STEAP1B: variants seen among roughly 807,000 people sequenced by gnomAD.
STEAP1B encodes STEAP family protein MGC87042.
A neutral mutation model predicts 27.9 loss-of-function variants in STEAP1B; 13 were observed. That is an observed-to-expected ratio of 0.47 (90% CI 0.30 to 0.74). The LOEUF (loss-of-function observed/expected upper bound fraction) is 0.74. Ranked by LOEUF, STEAP1B falls within the 30% of genes least tolerant of loss-of-function variation. The pLI is 0.06. For missense variants in STEAP1B, 250 were observed against 298.7 expected, an observed-to-expected ratio of 0.84 and a Z score of 1.20; for synonymous variants, 86 against 107.1, an observed-to-expected ratio of 0.80 and a Z score of 1.22.
chr7:22,463,309 T>G (rs890916087), intron 4 of STEAP1B, among the ~76,000 whole-genome samples: 18 of 151,898 alleles, frequency 1.2e-4, no homozygotes, highest in South Asian at 4.2e-4. Flanking sequence ...TAAAAGAGGA[T>G]ACAAACAAAT....
At chr7:22,445,050 T>C (rs1485027217) in intron 4 of STEAP1B, among the ~76,000 whole-genome samples, 1 of 152,202 alleles carries the variant, frequency 6.6e-6, no homozygotes, top group East Asian at 1.9e-4. Context: ...GAAAGGGCCA[T>C]TGTTTCTAAA....
At chr7:22,475,469 T>G (rs149896781) in intron 4 of STEAP1B, among the ~76,000 whole-genome samples, 153 of 152,322 alleles carry the variant, frequency 1.0e-3, no homozygotes, top group African/African-American at 3.4e-3. Context: ...ACTCCTGGAC[T>G]CAAGTGATCC....
chr7:22,467,749 G>A (rs959280809), intron 4 of STEAP1B, among the ~76,000 whole-genome samples: 3 of 152,186 alleles, frequency 2.0e-5, no homozygotes, highest in African/African-American at 7.2e-5. Flanking sequence ...ACGTGGAACT[G>A]TGAGTCTATT....
At chr7:22,481,533 A>G (rs1786073755) in intron 4 of STEAP1B, among the ~76,000 whole-genome samples, 1 of 152,208 alleles carries the variant, frequency 6.6e-6, no homozygotes, top group Non-Finnish European at 1.5e-5. Flanking sequence ...GCAGAGTATC[A>G]GGCCCCACCG....
chr7:22,421,653 C>T (rs1156508370), intron 4 of STEAP1B, among the ~76,000 whole-genome samples: 1 of 152,098 alleles, frequency 6.6e-6, no homozygotes, highest in East Asian at 1.9e-4. Flanking sequence ...AATCCAACAC[C>T]CCTTTTGAAT....
chr7:22,494,954 A>G (rs1211778175), intron 1 of STEAP1B, 68 bp from the exon 2 acceptor site: 3 of 840,764 alleles, frequency 3.6e-6, no homozygotes, highest in Non-Finnish European at 5.3e-6. Flanking sequence ...ATGTAACAAT[A>G]TAAAAAATTT....
intron 1 of STEAP1B, among the ~76,000 whole-genome samples, chr7:22,498,856 A>AGG (rs1195017609): frequency 2.6e-5 from 4 of 152,208 alleles, no homozygotes; most frequent in African/African-American, 9.7e-5. Context: ...AGAGTTACCC[A>AGG]GCCATTTGTC....
chr7:22,460,338 A>AAC (rs1440102910), intron 4 of STEAP1B, among the ~76,000 whole-genome samples: 4 of 142,202 alleles, frequency 2.8e-5, no homozygotes, highest in South Asian at 2.1e-4. Flanking sequence ...AAAACAAACA[A>AAC]AAAAAAAAAA....
At chr7:22,440,091 T>C (rs192164826) in intron 4 of STEAP1B, among the ~76,000 whole-genome samples, 2 of 152,284 alleles carry the variant, frequency 1.3e-5, no homozygotes, top group Admixed American at 6.5e-5. Flanking sequence ...ATTCAATAAA[T>C]GGAGTACAAA....
chr7:22,433,161 A>G (rs1785212211), intron 4 of STEAP1B, among the ~76,000 whole-genome samples: 1 of 152,202 alleles, frequency 6.6e-6, no homozygotes, highest in Admixed American at 6.5e-5. Flanking sequence ...AACAAAACCC[A>G]AAATCAAAAA....
At chr7:22,487,620 C>T (rs1392050375) in intron 4 of STEAP1B, among the ~76,000 whole-genome samples, 8 of 151,458 alleles carry the variant, frequency 5.3e-5, no homozygotes, top group Non-Finnish European at 1.2e-4. Context: ...GCCTGACCAA[C>T]GTGGAGAAAC....
At chr7:22,462,343 C>T (rs1583642934) in intron 4 of STEAP1B, among the ~76,000 whole-genome samples, 1 of 143,380 alleles carries the variant, frequency 7.0e-6, no homozygotes, top group East Asian at 2.1e-4. Flanking sequence ...AACTCGTCAT[C>T]TAGCATTAGG....
chr7:22,451,055 G>C (rs1350347904), intron 4 of STEAP1B, among the ~76,000 whole-genome samples: 1 of 152,074 alleles, frequency 6.6e-6, no homozygotes, highest in Non-Finnish European at 1.5e-5. Context: ...AAATTAGCCA[G>C]GTGTGGTGGC....
chr7:22,469,832 T>A (rs1354892122), intron 4 of STEAP1B, among the ~76,000 whole-genome samples: 1 of 152,212 alleles, frequency 6.6e-6, no homozygotes, highest in Non-Finnish European at 1.5e-5. Flanking sequence ...GAGTGCATAC[T>A]GCAGAGCCAG....
chr7:22,452,251 A>G (rs1459708648), intron 4 of STEAP1B, among the ~76,000 whole-genome samples: 2 of 152,232 alleles, frequency 1.3e-5, no homozygotes, highest in African/African-American at 2.4e-5. Context: ...ACAGGCTGCC[A>G]GAGGGTGCTC....
intron 4 of STEAP1B, among the ~76,000 whole-genome samples, chr7:22,426,533 C>T (rs1046801826): frequency 5.3e-5 from 8 of 152,094 alleles, no homozygotes; most frequent in Non-Finnish European, 1.5e-5. Context: ...TTAGATCTTC[C>T]AAAAAACTAC....
intron 4 of STEAP1B, among the ~76,000 whole-genome samples, chr7:22,489,395 G>C (rs1433859895): frequency 6.6e-6 from 1 of 152,216 alleles, no homozygotes; most frequent in Non-Finnish European, 1.5e-5. Flanking sequence ...TGATATGTCT[G>C]ATAATTGGGC....
At chr7:22,464,248 C>G (rs1166430967) in intron 4 of STEAP1B, among the ~76,000 whole-genome samples, 1 of 152,170 alleles carries the variant, frequency 6.6e-6, no homozygotes, top group Non-Finnish European at 1.5e-5. Flanking sequence ...AATCAGTGCT[C>G]CATTAGCTAC....
At chr7:22,448,041 G>A (rs993570784) in intron 4 of STEAP1B, among the ~76,000 whole-genome samples, 1 of 152,206 alleles carries the variant, frequency 6.6e-6, no homozygotes, top group African/African-American at 2.4e-5. Flanking sequence ...CTTGCTTTCA[G>A]TTGCTGGTTT....
Sources: gnomAD v4.1 joint callset for allele counts (sites outside exome capture counted in the v4.1 genomes callset) on GRCh38, gnomAD v4.1.1 for gene constraint, MANE v1.5 for transcripts, NCBI Gene and HGNC (gene_info 2026-07-23, HGNC 2026-07-21) for gene names.